Variants in SZT2 observed in about 807,000 individuals in gnomAD.
The protein encoded by SZT2 is SZT2 subunit of KICSTOR complex, also known as KICSTOR complex protein SZT2.
A neutral mutation model predicts 404.2 loss-of-function variants in SZT2; 216 were observed. The observed-to-expected ratio is 0.53, with a 90% CI of 0.48 to 0.60. The LOEUF is 0.60. Among genes scored for constraint, SZT2 ranks in the 20% least tolerant of loss-of-function variants. The probability of loss-of-function intolerance (pLI) is 0.00; values close to 1 mark genes in which losing one functional copy is unlikely to be tolerated. For synonymous variants in SZT2, 1,693 were observed against 1,749.9 expected (o/e 0.97, Z 0.81); for missense variants, 3,857 against 4,459.2 (o/e 0.86, Z 3.85).
At chr1:43,427,217 A>G in intron 24 of SZT2, 38 bp downstream of exon 24, 1 of 1,609,850 alleles carries the variant, frequency 6.2e-7, no homozygotes, top group Non-Finnish European at 8.5e-7. Context: ...CCCCTCAGAT[A>G]CAAACCCCTG....
intron 4 of SZT2, chr1:43,409,448 A>G (rs770621109): frequency 6.3e-5 from 24 of 377,988 alleles, no homozygotes; most frequent in Non-Finnish European, 1.2e-4. Flanking sequence ...AAAGAAAGAA[A>G]GGTCATCCAA....
chr1:43,425,170 A>G lies in SZT2; in HGVS notation c.2608A>G (p.Ile870Val), dbSNP rs753155710. ...GAAGCACACCTGTGTTGTCCAGTAC[A>G]TCCTCTTCCCCCCACACTCTACCTC... is the stretch of plus-strand genomic sequence containing the variant. ...EEKHTCVVQYILFPPHSTSTK... is the reference protein window; with the variant it reads ...EEKHTCVVQYVLFPPHSTSTK... The change falls in exon 18 of 72, where the codon ATC becomes GTC. Residue 870 changes from isoleucine (I) to valine (V), a missense_variant. By Grantham distance (29) the Ile-to-Val change is conservative. Coordinates refer to ENST00000634258, the MANE Select transcript of SZT2 (RefSeq NM_001365999.1). This position sits in a 1 kb window ranked among gnomAD's most constrained non-coding sequence, Gnocchi z 4.3. 18 of 1,614,144 alleles carry G rather than the reference A, an allele frequency of 1.1e-5. No individual in the cohort carries two copies. The East Asian group carries it at 1.3e-4, about 12-fold the overall frequency.
rs1373859041 is a variant in SZT2, at chr1:43,448,945, C to T, written c.10086+217C>T. Reference sequence around the variant, plus strand: ...TGCCCTCAAAGACTCACCAAGAATACAAGCCTTGGCTTGAGATCCTGAGGG... The same window carrying T: ...TGCCCTCAAAGACTCACCAAGAATATAAGCCTTGGCTTGAGATCCTGAGGG... On this transcript the variant is annotated intron_variant, in intron 70 of 71. Transcript: ENST00000634258. The surrounding 1 kb of genome is among the most constrained non-coding windows in gnomAD (Gnocchi z 4.2). The T allele has an allele frequency of 1.8e-6, 1 of 555,378 alleles. No homozygotes were observed. The highest frequency in any genetic ancestry group is 1.9e-5 in the African/African-American group (1 of 53,026). The allele number at this position is 555,378 out of a possible 1,614,324, so 34.4% of individuals were successfully genotyped here.
chr1:43,422,171 C>T lies in SZT2; in HGVS notation c.1715C>T (p.Ser572Phe). Residue 572 changes from serine to phenylalanine, a missense_variant, in exon 12 of 72, where the codon TCC becomes TTC. Physicochemically the swap from Ser to Phe is radical, Grantham distance 155. Coordinates refer to ENST00000634258, the MANE Select transcript of SZT2 (RefSeq NM_001365999.1). ...CCAGTGCTGTCCATGGATGCAAATT[C>T]CTGGCAGCGATGGCTGCACATGCAT... is the stretch of plus-strand genomic sequence containing the variant. The part of the protein sequence containing the change: ...WKPVLSMDAN[S>F]WQRWLHMHRL... 2 of 1,596,812 alleles carry T rather than the reference C, an allele frequency of 1.3e-6. No homozygotes were observed. The highest frequency in any genetic ancestry group is 1.7e-6 in the Non-Finnish European group (2 of 1,178,746).
Position 43,437,496 on chromosome 1 carries a change from T to TG in SZT2, c.6279dup (p.Tyr2094ValfsTer12). On this transcript the variant is annotated frameshift_variant, in exon 44 of 72. Coordinates refer to ENST00000634258, the MANE Select transcript of SZT2 (RefSeq NM_001365999.1). LOFTEE classifies it high-confidence loss of function. This position sits in a 1 kb window ranked among gnomAD's most constrained non-coding sequence, Gnocchi z 5.3. ...TACCAGGAGCGAGCAACAAAGGCTG[T>TG]GTACTATCTTCGGTATGTGGCCCTT... 6.2e-7 allele frequency: 1 copy of TG among 1,614,124 alleles called. No individual in the cohort carries two copies.
At chr1:43,396,046 A>T (rs117987347) in intron 1 of SZT2, among the ~76,000 whole-genome samples, 2 of 152,312 alleles carry the variant, frequency 1.3e-5, no homozygotes, top group East Asian at 3.8e-4. Context: ...AAAATGGGAG[A>T]TGTGTTTGGA....
In SZT2 at chr1:43,441,323, G is replaced by A. The variant is rs1439863770; in HGVS notation, c.7454G>A (p.Arg2485Gln). Residue 2485 changes from arginine to glutamine, a missense_variant, in exon 53 of 72, where the codon CGG (arginine) becomes CAG (glutamine). Around this residue, in one of 7 missense-constraint regions of SZT2, gnomAD observed 573 missense variants for 592.4 expected, o/e 0.97. Transcript: ENST00000634258. This position sits in a 1 kb window ranked among gnomAD's most constrained non-coding sequence, Gnocchi z 4.8. ...GRRRHKTESV[R>Q]TPGGAERAPG... ...AGGCGTCACAAAACCGAGAGTGTTC[G>A]GACTCCTGGTGGAGCTGAGCGGGCG... The A allele has an allele frequency of 6.8e-6, 11 of 1,614,094 alleles. No homozygotes were observed. The highest frequency in any genetic ancestry group is 4.5e-5 in the East Asian group (2 of 44,898).
Position 43,425,336 on chromosome 1 carries a change from A to T in SZT2, c.2645+129A>T. On this transcript the variant is annotated intron_variant, in intron 18 of 71. Transcript: ENST00000634258. The surrounding 1 kb of genome is among the most constrained non-coding windows in gnomAD (Gnocchi z 4.3). ...GTCAGGGAGGGGGTGCGGTGTTTAG[A>T]TGCTTCATCAGGCAGACGCTGGTCT... 2 of 1,506,780 alleles carry T rather than the reference A, an allele frequency of 1.3e-6. No homozygotes were observed. The highest frequency in any genetic ancestry group is 3.5e-5 in the Admixed American group (2 of 56,628). 93.3% of individuals were successfully genotyped at this position (1,506,780 alleles called of 1,614,324 possible). A position where few individuals can be genotyped will look rare whatever the true frequency, so the allele number is the denominator to read the frequency against.
At chr1:43,414,971 G>A (rs1248085424) in intron 4 of SZT2, 111 bp from the exon 5 acceptor site, 17 of 1,382,256 alleles carry the variant, frequency 1.2e-5, no homozygotes, top group Non-Finnish European at 1.5e-5. Context: ...CCCTGGTTGG[G>A]TAGGAAGTCA....
intron 65 of SZT2, 130 bp from the exon 66 acceptor site, chr1:43,446,825 G>T: frequency 1.1e-6 from 1 of 942,626 alleles, no homozygotes. Flanking sequence ...AACCATTCTG[G>T]CAGAGGGCGT....
At chr1:43,446,903 GGCA>G in intron 65 of SZT2, 49 bp from the exon 66 acceptor site, 1 of 1,562,644 alleles carries the variant, frequency 6.4e-7, no homozygotes. Context: ...ATGTGTTTTG[GGCA>G]GCCAGTGCAG....
rs1055843182 is a variant in SZT2 at position 43,441,928 on chromosome 1, C to G, written c.7743-72C>G. 1 of 1,591,816 alleles carries G rather than the reference C, an allele frequency of 6.3e-7. No individual in the cohort carries two copies. Among genetic ancestry groups the G allele is most frequent in the African/African-American group, 1.3e-5 (1 of 74,492 alleles). ...TGAGCTAGGAGAGGTGGAAACAAGGCCCAGGGAGGTGAAGGCTAGGCCAGG... is the reference window on the plus strand; with the variant it reads ...TGAGCTAGGAGAGGTGGAAACAAGGGCCAGGGAGGTGAAGGCTAGGCCAGG... On this transcript the variant is annotated intron_variant, in intron 55 of 71. Coordinates refer to ENST00000634258, the MANE Select transcript of SZT2 (RefSeq NM_001365999.1). This position sits in a 1 kb window ranked among gnomAD's most constrained non-coding sequence, Gnocchi z 4.8.
At chr1:43,430,875 T>C in intron 32 of SZT2, 74 bp from the exon 33 acceptor site, 1 of 1,583,654 alleles carries the variant, frequency 6.3e-7, no homozygotes, top group East Asian at 2.2e-5. Context: ...GGGTTATGTC[T>C]TTTAACACAT....
rs1490921261 is a variant in SZT2 at position 43,437,606 on chromosome 1, C to T, written c.6302C>T (p.Thr2101Ile). 23 of 1,614,144 alleles carry T rather than the reference C, an allele frequency of 1.4e-5. No homozygotes were observed. The highest frequency in any genetic ancestry group is 1.8e-5 in the Non-Finnish European group (21 of 1,180,024). The change falls in exon 45 of 72, where the codon ACA (threonine) becomes ATA (isoleucine). Residue 2101 changes from threonine to isoleucine, a missense_variant. Thr to Ile is a moderately conservative substitution (Grantham distance 89). Transcript: ENST00000634258. This position sits in a 1 kb window ranked among gnomAD's most constrained non-coding sequence, Gnocchi z 5.3. ...KAVYYLRLLE[T>I]SCSDRPWKGD... is the part of the protein sequence containing the mutation. ...CTGCTCTTTCCCAGGCTCCTAGAGA[C>T]ATCCTGCAGTGACCGGCCATGGAAA...
Position 43,424,220 on chromosome 1 carries a change from T to G in SZT2, c.2259T>G (p.Tyr753Ter). ...GGGGAGTTGTCCCATTTCCTAGGTA[T>G]GAGAAGCTGCCCTTGGACTACCGGG... is the stretch of plus-strand genomic sequence containing the variant. ...HKPLDKLLIR[Y>*]EKLPLDYRAP... Residue 753 changes from tyrosine to a stop codon, truncating the protein, a stop_gained, in exon 16 of 72, where the codon TAT becomes TAG. Coordinates refer to ENST00000634258, the MANE Select transcript of SZT2 (RefSeq NM_001365999.1). LOFTEE classifies it high-confidence loss of function. This position sits in a 1 kb window ranked among gnomAD's most constrained non-coding sequence, Gnocchi z 4.1. The G allele has an allele frequency of 6.3e-7, 1 of 1,597,250 alleles. No individual in the cohort carries two copies. The highest frequency in any genetic ancestry group is 8.5e-7 in the Non-Finnish European group (1 of 1,179,216).
In SZT2 at chr1:43,422,560, T is replaced by G; in HGVS notation, c.1850T>G (p.Leu617Arg). The change falls in exon 13 of 72, where the codon CTG becomes CGG. Residue 617 changes from leucine to arginine, a missense_variant. Around this residue, in one of 7 missense-constraint regions of SZT2, gnomAD observed 1,725 missense variants for 1,881.0 expected, o/e 0.92. Transcript: ENST00000634258. ...TIQCRISHSS[L>R]TSLLRDWSSF... ...CAGTGCAGGATCTCCCACTCCTCCCTGACCTCTCTGCTGCGGGACTGGAGC... is the reference window on the plus strand; with the variant it reads ...CAGTGCAGGATCTCCCACTCCTCCCGGACCTCTCTGCTGCGGGACTGGAGC... 1 of 1,598,154 alleles carries G rather than the reference T, an allele frequency of 6.3e-7. No homozygotes were observed. Among genetic ancestry groups the G allele is most frequent in the Non-Finnish European group, 8.5e-7 (1 of 1,179,702 alleles).
At chr1:43,406,284 G>A in intron 4 of SZT2, 1 of 311,504 alleles carries the variant, frequency 3.2e-6, no homozygotes, top group Admixed American at 4.3e-5. Context: ...TTTTGGTAGA[G>A]ACAGGGTTTC....
At position 43,426,335 on chromosome 1, in the gene SZT2, C is replaced by G; in HGVS notation, c.3044-33C>G. ...GCCGGGGGCACCGGGCAGCAGGAGG[C>G]TCTTGGTGCTGAGCAGAGTGTGTGT... On this transcript the variant is annotated intron_variant, in intron 21 of 71. Coordinates refer to ENST00000634258, the MANE Select transcript of SZT2 (RefSeq NM_001365999.1). The surrounding 1 kb of genome is among the most constrained non-coding windows in gnomAD (Gnocchi z 4.9). 6.6e-7 allele frequency: 1 copy of G among 1,520,060 alleles called. No homozygotes were observed. The highest frequency in any genetic ancestry group is 8.8e-7 in the Non-Finnish European group (1 of 1,134,098). 94.2% of individuals were successfully genotyped at this position (1,520,060 alleles called of 1,614,324 possible). A position where few individuals can be genotyped will look rare whatever the true frequency, so the allele number is the denominator to read the frequency against.
At chr1:43,401,810 T>C (rs751057694) in intron 1 of SZT2, among the ~76,000 whole-genome samples, 3 of 152,148 alleles carry the variant, frequency 2.0e-5, no homozygotes, top group Non-Finnish European at 4.4e-5. Flanking sequence ...TACATAGTAC[T>C]TTTGCATATA....
Sources: allele counts gnomAD v4.1 joint callset (sites outside exome capture counted in the v4.1 genomes callset), GRCh38; gene constraint gnomAD v4.1.1; regional missense constraint gnomAD v4.1.1; non-coding constraint Gnocchi (gnomAD v3.1); transcripts MANE v1.5; gene names NCBI Gene and HGNC (gene_info 2026-07-23, HGNC 2026-07-21).